LRP2: variants seen among roughly 807,000 people sequenced by gnomAD.
LRP2 encodes the protein low-density lipoprotein receptor-related protein 2.
Under a neutral mutation model 531.0 loss-of-function variants are expected in LRP2, and 172 were observed. That is an observed-to-expected ratio of 0.32 (90% confidence interval 0.29 to 0.37). The LOEUF (loss-of-function observed/expected upper bound fraction) is 0.37, where lower values mean the gene tolerates loss of function less well. LRP2 is among the 10% of genes least tolerant of loss of function. The pLI, the probability that LRP2 is intolerant of heterozygous loss-of-function variation, is 1.00. For missense variants in LRP2, 5,167 were observed against 5,868.3 expected (o/e 0.88, Z 3.90); for synonymous variants, 1,992 against 2,027.6 (o/e 0.98, Z 0.47).
intron 11 of LRP2, among the ~76,000 whole-genome samples, chr2:169,280,037 CAAATTTCAAAAATT>C (rs1367701118): frequency 1.3e-5 from 2 of 152,252 alleles, no homozygotes; most frequent in East Asian, 3.9e-4. Flanking sequence ...TTTAAATGAT[CAAATTTCAAAAATT>C]ACTACCAAAT....
At chr2:169,156,803 GT>G (rs1385109841) in intron 64 of LRP2, among the ~76,000 whole-genome samples, 1 of 152,176 alleles carries the variant, frequency 6.6e-6, no homozygotes, top group Non-Finnish European at 1.5e-5. Flanking sequence ...CATTGATTTA[GT>G]TTTTCAATTG....
chr2:169,209,456 C>T lies in LRP2; in HGVS notation c.6466G>A (p.Ala2156Thr), dbSNP rs1688516623. 1 of 1,613,828 alleles carries T rather than the reference C, an allele frequency of 6.2e-7. No individual in the cohort carries two copies. Among genetic ancestry groups the T allele is most frequent in the Non-Finnish European group, 8.5e-7 (1 of 1,179,744 alleles). The change falls in exon 38 of 79, where the codon GCA (alanine) becomes ACA (threonine). Residue 2156 changes from alanine (A) to threonine (T), a missense_variant. By Grantham distance (58) the Ala-to-Thr change is moderately conservative. Coordinates refer to ENST00000649046, the MANE Select transcript of LRP2 (RefSeq NM_004525.3). ...AATCACCATATAGCTTACATACCTG[C>T]TACCCAATCCACTGCAATACCCCGG... ...GVRGIAVDWV[A>T]GNLYFTNAFV... is the part of the protein sequence containing the mutation.
In LRP2 at chr2:169,192,030, T is replaced by C. The variant is rs1322538246; in HGVS notation, c.8834A>G (p.Asn2945Ser). The stretch of plus-strand genomic sequence containing the variant: ...AAACTCGGAATCCGAGCAGTTTTGA[T>C]TCTCTGAAACCAAAGCACGCAAGAA... ...SDEDKRHQCQ[N>S]QNCSDSEFLC... is the part of the protein sequence containing the mutation. The change falls in exon 48 of 79, where the codon AAT becomes AGT. Residue 2945 changes from asparagine to serine, a missense_variant. By Grantham distance (46) the Asn-to-Ser change is conservative (BLOSUM62 1). Transcript: ENST00000649046. The C allele has an allele frequency of 1.2e-6, 2 of 1,611,208 alleles. No homozygotes were observed. The highest frequency in any genetic ancestry group is 1.7e-6 in the Non-Finnish European group (2 of 1,177,592).
chr2:169,234,390 T>G (rs1459845342), intron 29 of LRP2, among the ~76,000 whole-genome samples: 4 of 152,160 alleles, frequency 2.6e-5, no homozygotes, highest in Non-Finnish European at 2.9e-5. Context: ...AGTGACAACA[T>G]GAAGTGTTTG....
In LRP2 at chr2:169,246,956, G is replaced by C; in HGVS notation, c.2939C>G (p.Pro980Arg). 6.2e-7 allele frequency: 1 copy of C among 1,614,190 alleles called. No homozygotes were observed. The highest frequency in any genetic ancestry group is 1.1e-5 in the South Asian group (1 of 91,086). Residue 980 changes from proline to arginine, a missense_variant, in exon 21 of 79, where the codon CCT becomes CGT. By Grantham distance (103) the Pro-to-Arg change is moderately radical. Transcript: ENST00000649046. ...GSNACNQPTH[P>R]NGDCSHFCFP... ...GCAGAAGTGGCTGCAGTCACCGTTA[G>C]GATGCGTGGGTTGATTACAGGCGTT...
At chr2:169,292,161 C>T in intron 7 of LRP2, 92 bp downstream of exon 7, 2 of 1,016,514 alleles carry the variant, frequency 2.0e-6, no homozygotes, top group Admixed American at 1.7e-5. Context: ...TTGCTTGTCA[C>T]ACAAAATTTC....
intron 1 of LRP2, among the ~76,000 whole-genome samples, chr2:169,342,748 A>G (rs956119859): frequency 6.6e-6 from 1 of 152,128 alleles, no homozygotes; most frequent in Non-Finnish European, 1.5e-5. Flanking sequence ...GTTTATTTGC[A>G]TGTCTTATTC....
At chr2:169,263,384 C>A (rs1040940844) in intron 16 of LRP2, among the ~76,000 whole-genome samples, 2 of 151,306 alleles carry the variant, frequency 1.3e-5, no homozygotes, top group East Asian at 2.0e-4. Flanking sequence ...ACAATGAACT[C>A]AAACAAATTT....
intron 9 of LRP2, among the ~76,000 whole-genome samples, chr2:169,287,487 AT>A (rs1051224548): frequency 6.6e-6 from 1 of 151,932 alleles, no homozygotes; most frequent in South Asian, 2.1e-4. Flanking sequence ...TAAAAATCTA[AT>A]TTTTTTTGGC....
At chr2:169,279,753 G>A (rs751001783) in intron 11 of LRP2, among the ~76,000 whole-genome samples, 158 bp from the exon 12 acceptor site, 30 of 151,922 alleles carry the variant, frequency 2.0e-4, no homozygotes, top group African/African-American at 5.3e-4. Flanking sequence ...AATGAGAATC[G>A]TATTAATGGT....
In LRP2 at chr2:169,237,279, G is replaced by C; in HGVS notation, c.4515C>G (p.Asp1505Glu). ...QNGTDRRVVF[D>E]SSIILTETIA... Reference sequence around the variant, plus strand: ...TAGTTTCAGTCAAGATGATGCTACTGTCAAATACCTAAAGACAAAAGTGAA... The same window carrying C: ...TAGTTTCAGTCAAGATGATGCTACTCTCAAATACCTAAAGACAAAAGTGAA... The change falls in exon 28 of 79, where the codon GAC becomes GAG. Residue 1505 changes from aspartate to glutamate, a missense_variant. Coordinates refer to ENST00000649046, the MANE Select transcript of LRP2 (RefSeq NM_004525.3). The C allele has an allele frequency of 3.7e-6, 6 of 1,611,806 alleles. No individual in the cohort carries two copies. Among genetic ancestry groups the C allele is most frequent in the Non-Finnish European group, 5.1e-6 (6 of 1,178,130 alleles).
At chr2:169,318,035 C>T (rs1684812412) in intron 3 of LRP2, among the ~76,000 whole-genome samples, 1 of 152,066 alleles carries the variant, frequency 6.6e-6, no homozygotes, top group Non-Finnish European at 1.5e-5. Flanking sequence ...TGTGATCGCA[C>T]CACTGCACTC....
At chr2:169,361,307 T>G (rs1686142477) in intron 1 of LRP2, among the ~76,000 whole-genome samples, 1 of 145,632 alleles carries the variant, frequency 6.9e-6, no homozygotes, top group African/African-American at 2.6e-5. Context: ...CTCGGCCGGG[T>G]CTCTGTCTCT....
At chr2:169,159,457 G>A (rs1367253322) in intron 63 of LRP2, among the ~76,000 whole-genome samples, 1 of 152,066 alleles carries the variant, frequency 6.6e-6, no homozygotes. Flanking sequence ...TGCTGCCCTT[G>A]GAGTGCAGAC....
At chr2:169,220,621 G>A in intron 33 of LRP2, 58 bp from the exon 34 acceptor site, 1 of 1,103,060 alleles carries the variant, frequency 9.1e-7, no homozygotes, top group Non-Finnish European at 1.4e-6. Flanking sequence ...AAAGGAAACT[G>A]AGATGAAGGA....
At chr2:169,286,091 T>C (rs1248292124) in intron 9 of LRP2, among the ~76,000 whole-genome samples, 2 of 152,216 alleles carry the variant, frequency 1.3e-5, no homozygotes, top group Non-Finnish European at 2.9e-5. Context: ...TAACGTCATG[T>C]ATTTAAAGAG....
At chr2:169,261,049 G>C (rs940297517) in intron 16 of LRP2, among the ~76,000 whole-genome samples, 2 of 152,046 alleles carry the variant, frequency 1.3e-5, no homozygotes, top group African/African-American at 4.8e-5. Flanking sequence ...CTGGTGGGCA[G>C]ATTGCAAGAG....
At position 169,212,016 on chromosome 2, in the gene LRP2, A is replaced by G; in HGVS notation, c.6232T>C (p.Leu2078=). 6.2e-7 allele frequency: 1 copy of G among 1,614,018 alleles called. No individual in the cohort carries two copies. Among genetic ancestry groups the G allele is most frequent in the Non-Finnish European group, 8.5e-7 (1 of 1,179,914 alleles). Residue 2078 remains leucine, a synonymous_variant, in exon 37 of 79, where the codon TTG becomes CTG. Transcript: ENST00000649046. Reference sequence around the variant, plus strand: ...GTTTCTGAATGATCTGACAATTCCAAGCTAAAGCCTCTGATTGCAGACAGC... The same window carrying G: ...GTTTCTGAATGATCTGACAATTCCAGGCTAAAGCCTCTGATTGCAGACAGC... ...SMLSAIRGFS[L]ELSDHSETMV... is the part of the protein sequence containing the mutation.
In LRP2 at chr2:169,239,634, A is replaced by G; in HGVS notation, c.4187T>C (p.Ile1396Thr). The G allele has an allele frequency of 6.2e-7, 1 of 1,614,136 alleles. No homozygotes were observed. The highest frequency in any genetic ancestry group is 2.2e-5 in the East Asian group (1 of 44,886). Reference sequence around the variant, plus strand: ...ACAGTGCTGGCTACAAGAGCCTAGAATATCACATTCATCTATGTCTTCACA... The same window carrying G: ...ACAGTGCTGGCTACAAGAGCCTAGAGTATCACATTCATCTATGTCTTCACA... ...KTCEDIDECD[I>T]LGSCSQHCYN... The change falls in exon 26 of 79, where the codon ATT (isoleucine) becomes ACT (threonine). Residue 1396 changes from isoleucine to threonine, a missense_variant. Physicochemically the swap from Ile to Thr is moderately conservative, Grantham distance 89. This residue lies in a region of LRP2 where 2,811 missense variants were observed against 3,058.0 expected (regional missense o/e 0.92). Transcript: ENST00000649046.
Sources: gnomAD v4.1 joint callset for allele counts (sites outside exome capture counted in the v4.1 genomes callset) on GRCh38, gnomAD v4.1.1 for gene constraint, gnomAD v4.1.1 regional missense constraint, MANE v1.5 for transcripts, NCBI Gene and HGNC (gene_info 2026-07-23, HGNC 2026-07-21) for gene names.